The following PRDM5 variants were observed in gnomAD, a reference collection of about 807,000 sequenced individuals.
The protein encoded by PRDM5 is PR/SET domain 5, also known as PR domain zinc finger protein 5.
A neutral mutation model predicts 81.2 loss-of-function variants in PRDM5; 56 were observed. That is an observed-to-expected ratio of 0.69 (90% CI 0.56 to 0.86). PRDM5 has a LOEUF of 0.86. PRDM5 is among the 40% of genes least tolerant of loss of function. The pLI is 0.00. For missense variants in PRDM5, 697 were observed against 770.1 expected (o/e 0.91, Z 1.12); for synonymous variants, 267 against 256.4 (o/e 1.04, Z -0.39).
At chr4:120,898,129 G>T (rs1034040168) in intron 2 of PRDM5, among the ~76,000 whole-genome samples, 1 of 152,124 alleles carries the variant, frequency 6.6e-6, no homozygotes, top group Non-Finnish European at 1.5e-5. Context: ...ACGCATCAGG[G>T]AGTGAGGTGA....
intron 1 of PRDM5, among the ~76,000 whole-genome samples, chr4:120,913,317 G>C (rs916194329): frequency 9.9e-5 from 15 of 152,180 alleles, no homozygotes; most frequent in African/African-American, 3.6e-4. Context: ...GAATTGCAAA[G>C]ACTTCTGCCC....
At chr4:120,901,676 A>G (rs1003450268) in intron 2 of PRDM5, among the ~76,000 whole-genome samples, 9 of 152,188 alleles carry the variant, frequency 5.9e-5, no homozygotes, top group African/African-American at 1.9e-4. Context: ...TAAGTTATGG[A>G]TGATATAATG....
intron 13 of PRDM5, among the ~76,000 whole-genome samples, chr4:120,773,212 A>G (rs542397512): frequency 6.6e-6 from 1 of 152,304 alleles, no homozygotes; most frequent in South Asian, 2.1e-4. Context: ...TGACAGACAA[A>G]TTATGGTTAT....
intron 15 of PRDM5, among the ~76,000 whole-genome samples, chr4:120,704,437 C>T (rs1313325874): frequency 6.6e-6 from 1 of 152,204 alleles, no homozygotes; most frequent in Non-Finnish European, 1.5e-5. Context: ...TTTCACCCTA[C>T]TCCAACTTAG....
intron 10 of PRDM5, among the ~76,000 whole-genome samples, chr4:120,794,887 A>C (rs1374784311): frequency 6.6e-6 from 1 of 152,052 alleles, no homozygotes; most frequent in East Asian, 1.9e-4. Flanking sequence ...CATCCTCCCA[A>C]AGTGCTGGGA....
downstream of PRDM5, among the ~76,000 whole-genome samples, chr4:120,689,097 G>A (rs1314413919): frequency 6.6e-6 from 1 of 152,120 alleles, no homozygotes; most frequent in Non-Finnish European, 1.5e-5. Context: ...CTGTAGCTTA[G>A]AAAACTGTGG....
intron 3 of PRDM5, among the ~76,000 whole-genome samples, chr4:120,849,619 G>A (rs1384350478): frequency 6.6e-6 from 1 of 152,100 alleles, no homozygotes; most frequent in East Asian, 1.9e-4. Context: ...ATGGGCTTAA[G>A]AATATGAGAT....
intron 1 of PRDM5, among the ~76,000 whole-genome samples, chr4:120,922,053 G>T (rs574378506): frequency 6.6e-6 from 1 of 152,166 alleles, no homozygotes; most frequent in African/African-American, 2.4e-5. Context: ...AAAGTTAGGC[G>T]TTTCTAGCCA....
At chr4:120,901,942 G>A (rs559128183) in intron 2 of PRDM5, among the ~76,000 whole-genome samples, 31 of 152,322 alleles carry the variant, frequency 2.0e-4, no homozygotes, top group African/African-American at 7.0e-4. Flanking sequence ...CTCAGCATGA[G>A]TGAGAGAAAA....
At chr4:120,827,024 A>G (rs1756082996) in intron 3 of PRDM5, among the ~76,000 whole-genome samples, 1 of 152,200 alleles carries the variant, frequency 6.6e-6, no homozygotes, top group Admixed American at 6.5e-5. Context: ...GGTACCGTAG[A>G]ATATTAGTCA....
intron 2 of PRDM5, among the ~76,000 whole-genome samples, chr4:120,861,357 CA>C (rs1760550280): frequency 6.6e-6 from 1 of 152,072 alleles, no homozygotes; most frequent in African/African-American, 2.4e-5. Flanking sequence ...AAAGAGTTTA[CA>C]AAAGGTATTA....
intron 13 of PRDM5, among the ~76,000 whole-genome samples, chr4:120,774,668 C>G (rs1747790200): frequency 6.6e-6 from 1 of 152,116 alleles, no homozygotes; most frequent in Non-Finnish European, 1.5e-5. Context: ...CAACACAACC[C>G]CAGCCACACT....
intron 2 of PRDM5, among the ~76,000 whole-genome samples, chr4:120,894,831 G>A (rs2148637954): frequency 6.6e-6 from 1 of 152,216 alleles, no homozygotes; most frequent in African/African-American, 2.4e-5. Context: ...CACTAGAAGA[G>A]AATTCTGTTT....
chr4:120,774,015 T>C lies in PRDM5; in HGVS notation c.1537+3173A>G, dbSNP rs148797840. ...TTGTTACTTTTAGTAAATTAACAAG[T>C]AAACATTTTTAAATTTTCTAATATG... On this transcript the variant is annotated intron_variant, in intron 13 of 15. Transcript: ENST00000264808. Among the ~76,000 whole-genome samples the C allele has an allele frequency of 3.0e-4, 45 of 152,356 alleles. No individual in the cohort carries two copies. The East Asian group carries it at 5.6e-3, about 19-fold the overall frequency.
At chr4:120,885,416 C>T (rs1211897533) in intron 2 of PRDM5, 2 of 152,136 alleles carry the variant, frequency 1.3e-5, no homozygotes, top group East Asian at 3.9e-4. Context: ...TGAACTTCCT[C>T]TTATTTGACA....
intron 3 of PRDM5, among the ~76,000 whole-genome samples, chr4:120,826,736 G>A (rs1756043131): frequency 6.6e-6 from 1 of 152,166 alleles, no homozygotes. Flanking sequence ...GAGGACTGTA[G>A]CAGTGAGTAG....
chr4:120,761,938 T>C (rs1014391811), intron 13 of PRDM5, among the ~76,000 whole-genome samples: 16 of 152,128 alleles, frequency 1.1e-4, no homozygotes, highest in African/African-American at 3.4e-4. Flanking sequence ...AAATTATGTG[T>C]CATGTATATA....
intron 2 of PRDM5, among the ~76,000 whole-genome samples, chr4:120,881,509 A>T (rs1311933602): frequency 6.6e-6 from 1 of 152,212 alleles, no homozygotes; most frequent in South Asian, 2.1e-4. Flanking sequence ...AGAATTAACC[A>T]GTATGGGAAA....
At position 120,887,948 on chromosome 4, in the gene PRDM5, A is replaced by G. The variant is rs1261270114; in HGVS notation, c.177+19526T>C. On this transcript the variant is annotated intron_variant, in intron 2 of 15. Coordinates refer to ENST00000264808, the MANE Select transcript of PRDM5 (RefSeq NM_018699.4). ...GCTGGGACTACAGGCGCCCGCCACT[A>G]CGCCCGGCTAATTTTTTGTATTTTT... 4.7e-5 allele frequency among the ~76,000 whole-genome samples: 5 copies of G among 105,304 alleles called. 2 individuals are homozygous for G. The highest frequency in any genetic ancestry group is 2.2e-4 in the African/African-American group (4 of 18,334). The allele number at this position is 105,304 out of a possible 152,430, so 69.1% of individuals were successfully genotyped here.
Sources: gnomAD v4.1 joint callset for allele counts (sites outside exome capture counted in the v4.1 genomes callset) on GRCh38, gnomAD v4.1.1 for gene constraint, MANE v1.5 for transcripts, NCBI Gene and HGNC (gene_info 2026-07-23, HGNC 2026-07-21) for gene names.